The following MSRA variants were observed in gnomAD, a reference collection of about 807,000 sequenced individuals.
MSRA encodes the protein methionine sulfoxide reductase A.
MSRA carries 54 observed loss-of-function variants against 31.3 expected under a neutral mutation model. The ratio of observed to expected loss-of-function variants is 1.73; its 90% confidence interval spans 1.39 to 2.17. The LOEUF (loss-of-function observed/expected upper bound fraction) is 2.17. Among genes scored for constraint, MSRA ranks in the 30% most tolerant of loss-of-function variants. MSRA has a pLI of 0.00. For synonymous variants in MSRA, 169 were observed against 116.5 expected (o/e 1.45, Z -2.90); for missense variants, 507 against 300.9 (o/e 1.69, Z -5.07).
At chr8:10,371,153 C>A (rs901353767) in intron 5 of MSRA, among the ~76,000 whole-genome samples, 11 of 152,114 alleles carry the variant, frequency 7.2e-5, no homozygotes, top group Non-Finnish European at 1.5e-4. Context: ...AAGCTTAATT[C>A]TTTAGTTATT....
chr8:10,155,610 C>A (rs1470339044), intron 1 of MSRA, among the ~76,000 whole-genome samples: 2 of 152,156 alleles, frequency 1.3e-5, no homozygotes, highest in Non-Finnish European at 2.9e-5. Flanking sequence ...AGCCTGAGAT[C>A]CTTTATTGCA....
At chr8:10,252,353 T>G (rs905397537) in intron 3 of MSRA, among the ~76,000 whole-genome samples, 1 of 152,196 alleles carries the variant, frequency 6.6e-6, no homozygotes. Flanking sequence ...TGGGAAATGT[T>G]AAGATGTGAA....
At chr8:10,289,670 A>G (rs905854439) in intron 3 of MSRA, among the ~76,000 whole-genome samples, 3 of 152,180 alleles carry the variant, frequency 2.0e-5, no homozygotes, top group African/African-American at 7.2e-5. Flanking sequence ...AACATATTGG[A>G]CTTGATTTCA....
At chr8:10,318,194 G>T (rs28590421) in intron 4 of MSRA, among the ~76,000 whole-genome samples, 2 of 152,036 alleles carry the variant, frequency 1.3e-5, no homozygotes, top group African/African-American at 4.8e-5. Flanking sequence ...AGTTTAAATC[G>T]CAGGATGGCC....
At chr8:10,380,778 A>G (rs1183905914) in intron 5 of MSRA, among the ~76,000 whole-genome samples, 3 of 152,004 alleles carry the variant, frequency 2.0e-5, no homozygotes, top group Admixed American at 1.3e-4. Context: ...GGATGGATGG[A>G]TGGATGAACA....
At chr8:10,211,044 G>A (rs1267162336) in intron 2 of MSRA, among the ~76,000 whole-genome samples, 3 of 151,994 alleles carry the variant, frequency 2.0e-5, no homozygotes, top group Non-Finnish European at 2.9e-5. Flanking sequence ...CCACAATGTC[G>A]TTATCTGTTG....
intron 5 of MSRA, among the ~76,000 whole-genome samples, chr8:10,352,200 A>T (rs952630664): frequency 1.3e-5 from 2 of 152,150 alleles, no homozygotes; most frequent in Non-Finnish European, 2.9e-5. Flanking sequence ...CGAGAAGGAG[A>T]TGTTGTAGGG....
Position 10,354,734 on chromosome 8 carries a change from A to ATGTG in MSRA, c.543+34759_543+34762dup, listed in dbSNP as rs138610974. Reference sequence around the variant, plus strand: ...TATCTTTTCATACCAGTTATGTAATATGTGTGTGTGTGTGTGTATATATAT... The same window carrying ATGTG: ...TATCTTTTCATACCAGTTATGTAATATGTGTGTGTGTGTGTGTGTGTATATATAT... On this transcript the variant is annotated intron_variant, in intron 5 of 5. Coordinates refer to ENST00000317173, the MANE Select transcript of MSRA (RefSeq NM_012331.5). Among the ~76,000 whole-genome samples the ATGTG allele has an allele frequency of 7.3e-3, 982 of 134,808 alleles. 6 individuals carry two copies. Among genetic ancestry groups the ATGTG allele is most frequent in the East Asian group, 0.024 (108 of 4,562 alleles). The allele number at this position is 134,808 out of a possible 152,430, so 88.4% of individuals were successfully genotyped here.
At chr8:10,250,050 T>C (rs1001445114) in intron 3 of MSRA, among the ~76,000 whole-genome samples, 1 of 152,226 alleles carries the variant, frequency 6.6e-6, no homozygotes, top group Non-Finnish European at 1.5e-5. Context: ...TATAGTCAAA[T>C]GAAAGCTTGA....
intron 3 of MSRA, among the ~76,000 whole-genome samples, chr8:10,259,198 GACT>G (rs1178336758): frequency 6.6e-6 from 1 of 152,076 alleles, no homozygotes; most frequent in East Asian, 1.9e-4. Context: ...AAAACAAATG[GACT>G]TAGATCTATG....
intron 1 of MSRA, among the ~76,000 whole-genome samples, chr8:10,105,393 A>G (rs1799815261): frequency 6.6e-6 from 1 of 152,210 alleles, no homozygotes; most frequent in Admixed American, 6.5e-5. Context: ...CTCCTTAATT[A>G]ACATCTAGAG....
chr8:10,335,187 A>G (rs1258455650), intron 5 of MSRA, among the ~76,000 whole-genome samples: 5 of 151,616 alleles, frequency 3.3e-5, no homozygotes, highest in African/African-American at 1.2e-4. Flanking sequence ...GTGAAGGACA[A>G]AAGCAAGGCT....
intron 5 of MSRA, among the ~76,000 whole-genome samples, chr8:10,415,407 G>A (rs928016453): frequency 1.3e-5 from 2 of 152,178 alleles, no homozygotes; most frequent in African/African-American, 2.4e-5. Context: ...GCAAGCAGGT[G>A]AGCCTCAGAG....
intron 5 of MSRA, among the ~76,000 whole-genome samples, chr8:10,343,029 AC>A (rs1297007533): frequency 4.3e-5 from 4 of 93,864 alleles, no homozygotes; most frequent in African/African-American, 1.1e-4. Context: ...TTACACACAC[AC>A]ACACACACAC....
chr8:10,297,069 G>C (rs1800585096), intron 3 of MSRA, among the ~76,000 whole-genome samples: 1 of 152,112 alleles, frequency 6.6e-6, no homozygotes, highest in Non-Finnish European at 1.5e-5. Context: ...TGTAAACATT[G>C]GTTGACTTAT....
At chr8:10,189,614 A>C (rs1353701983) in intron 1 of MSRA, among the ~76,000 whole-genome samples, 1 of 151,962 alleles carries the variant, frequency 6.6e-6, no homozygotes, top group Non-Finnish European at 1.5e-5. Flanking sequence ...TTTCTTTTTT[A>C]GCCAGTTAAT....
chr8:10,247,549 A>C (rs183425397), intron 3 of MSRA, among the ~76,000 whole-genome samples: 211 of 152,326 alleles, frequency 1.4e-3, no homozygotes, highest in African/African-American at 4.9e-3. Context: ...AAAAAGGGCC[A>C]AGCCAGTTCA....
At chr8:10,084,886 G>C (rs951196990) in intron 1 of MSRA, among the ~76,000 whole-genome samples, 1 of 63,456 alleles carries the variant, frequency 1.6e-5, no homozygotes, top group Non-Finnish European at 3.0e-5. Flanking sequence ...GGTAGTTATA[G>C]GCTTTGCGAA....
intron 1 of MSRA, among the ~76,000 whole-genome samples, chr8:10,140,276 T>G (rs534636607): frequency 6.6e-6 from 1 of 152,320 alleles, no homozygotes; most frequent in African/African-American, 2.4e-5. Context: ...ACTTCACCAA[T>G]GAGAATCTTA....
Sources: gnomAD v4.1 joint callset for allele counts (sites outside exome capture counted in the v4.1 genomes callset) on GRCh38, gnomAD v4.1.1 for gene constraint, MANE v1.5 for transcripts, NCBI Gene and HGNC (gene_info 2026-07-23, HGNC 2026-07-21) for gene names.